Variants in NCBP3 observed in about 807,000 individuals in gnomAD.
NCBP3 encodes the protein nuclear cap binding subunit 3, also known as nuclear cap-binding protein subunit 3.
In NCBP3, 20 loss-of-function variants were observed where a neutral mutation model predicts 75.7. That is an observed-to-expected ratio of 0.26 (90% CI 0.19 to 0.38). NCBP3 has a LOEUF of 0.38. NCBP3 is among the 10% of genes least tolerant of loss of function. The pLI, the probability that NCBP3 is intolerant of heterozygous loss-of-function variation, is 1.00. For synonymous variants in NCBP3, 293 were observed against 290.5 expected (o/e 1.01, Z -0.09); for missense variants, 678 against 796.9 (o/e 0.85, Z 1.80).
chr17:3,834,656 T>C (rs920385609), intron 3 of NCBP3, among the ~76,000 whole-genome samples: 9 of 152,152 alleles, frequency 5.9e-5, no homozygotes, highest in African/African-American at 2.2e-4. Context: ...ATGCCTGTAA[T>C]CCCAGTACTT....
chr17:3,840,597 G>A (rs1190253816), intron 2 of NCBP3, among the ~76,000 whole-genome samples: 2 of 152,144 alleles, frequency 1.3e-5, no homozygotes, highest in African/African-American at 4.8e-5. Context: ...AGAAATGGAG[G>A]CACAAAAAAG....
In NCBP3 at chr17:3,839,302, G is replaced by A. The variant is rs1385543151; in HGVS notation, c.355+798C>T. Among the ~76,000 whole-genome samples, 8 of 152,260 alleles carry A rather than the reference G, an allele frequency of 5.3e-5. No individual in the cohort carries two copies. In the South Asian group the frequency reaches 8.3e-4, roughly 16 times the overall value. ...GTTTAGCTTTCTCTGACAACAGGATGTTACTGAGTGGTTTACATATATCAG... is the reference window on the plus strand; with the variant it reads ...GTTTAGCTTTCTCTGACAACAGGATATTACTGAGTGGTTTACATATATCAG... On this transcript the variant is annotated intron_variant, in intron 3 of 12. Transcript: ENST00000389005.
chr17:3,825,965 C>T, intron 5 of NCBP3, 122 bp from the exon 6 acceptor site: 1 of 1,417,768 alleles, frequency 7.1e-7, no homozygotes, highest in Non-Finnish European at 9.6e-7. Flanking sequence ...CTGATGATCT[C>T]AAGCATCATA....
rs2053759425 is a variant in NCBP3, at chr17:3,825,060, G to A, written c.688-10C>T. 16 of 1,412,564 alleles carry A rather than the reference G, an allele frequency of 1.1e-5. No homozygotes were observed. The highest frequency in any genetic ancestry group is 1.5e-5 in the Non-Finnish European group (16 of 1,039,778). The allele number at this position is 1,412,564 out of a possible 1,614,324, so 87.5% of individuals were successfully genotyped here. On this transcript the variant is annotated splice_polypyrimidine_tract_variant and intron_variant, in intron 6 of 12. Transcript: ENST00000389005. Reference sequence around the variant, plus strand: ...GAGACAACGTATCCAACTTAAGAAAGAAGAGTATTTTTAATATAAAAATTA... The same window carrying A: ...GAGACAACGTATCCAACTTAAGAAAAAAGAGTATTTTTAATATAAAAATTA...
intron 11 of NCBP3, 114 bp downstream of exon 11, chr17:3,816,002 C>A (rs2053523645): frequency 2.0e-6 from 2 of 978,090 alleles, no homozygotes; most frequent in South Asian, 3.8e-5. Context: ...ACATGATGAA[C>A]CAGGACAGCT....
intron 12 of NCBP3, among the ~76,000 whole-genome samples, chr17:3,814,049 G>T (rs1191416619): frequency 1.3e-5 from 2 of 152,162 alleles, no homozygotes; most frequent in African/African-American, 4.8e-5. Context: ...TTGTATGTGG[G>T]CAAAGACCAG....
chr17:3,837,507 C>T (rs904787328), intron 3 of NCBP3, among the ~76,000 whole-genome samples: 1 of 146,766 alleles, frequency 6.8e-6, no homozygotes, highest in Non-Finnish European at 1.5e-5. Context: ...AAATGCTGGG[C>T]AGTGGCCAAG....
Position 3,818,112 on chromosome 17 carries a change from T to TA in NCBP3, c.1310+150dup. On this transcript the variant is annotated intron_variant, in intron 10 of 12. Coordinates refer to ENST00000389005, the MANE Select transcript of NCBP3 (RefSeq NM_001114118.3). This position sits in a 1 kb window ranked among gnomAD's most constrained non-coding sequence, Gnocchi z 4.7. ...TTTTTATAACAAGAATCACTGCTTG[T>TA]ATAGAGGAAATACTGGATGCGTTTA... 1.5e-6 allele frequency: 1 copy of TA among 656,612 alleles called. No individual in the cohort carries two copies. Among genetic ancestry groups the TA allele is most frequent in the Non-Finnish European group, 2.4e-6 (1 of 410,226 alleles). 40.7% of individuals were successfully genotyped at this position (656,612 alleles called of 1,614,324 possible).
intron 3 of NCBP3, among the ~76,000 whole-genome samples, chr17:3,831,571 CA>C (rs201489434): frequency 1.1e-5 from 1 of 90,938 alleles, no homozygotes; most frequent in Non-Finnish European, 2.9e-5. Context: ...GACTCTGTCT[CA>C]AAAAAAAAGG....
At chr17:3,827,264 T>G (rs1401784506) in intron 4 of NCBP3, among the ~76,000 whole-genome samples, 1 of 152,200 alleles carries the variant, frequency 6.6e-6, no homozygotes, top group African/African-American at 2.4e-5. Flanking sequence ...AGAACACAGG[T>G]AGTTAAACAC....
At chr17:3,814,103 A>G (rs772791246) in intron 12 of NCBP3, among the ~76,000 whole-genome samples, 1 of 152,258 alleles carries the variant, frequency 6.6e-6, no homozygotes, top group Non-Finnish European at 1.5e-5. Flanking sequence ...AAACAGAAAG[A>G]GCCAGGAGTG....
At chr17:3,843,822 G>T (rs1006556415) in intron 1 of NCBP3, among the ~76,000 whole-genome samples, 1 of 152,192 alleles carries the variant, frequency 6.6e-6, no homozygotes, top group Non-Finnish European at 1.5e-5. Context: ...TGGGATACAG[G>T]CATGAGCCAC....
intron 3 of NCBP3, among the ~76,000 whole-genome samples, chr17:3,835,367 C>G (rs576034546): frequency 1.3e-5 from 2 of 152,206 alleles, no homozygotes; most frequent in Non-Finnish European, 2.9e-5. Flanking sequence ...TCCTGCCGTT[C>G]TCTCTGTGAA....
intron 9 of NCBP3, among the ~76,000 whole-genome samples, chr17:3,819,464 G>A (rs2053619155): frequency 6.6e-6 from 1 of 152,010 alleles, no homozygotes; most frequent in South Asian, 2.1e-4. Flanking sequence ...GGAGGCTGAG[G>A]TAGGAGAATG....
rs767928576 is a variant in NCBP3, at chr17:3,821,321, G to A, written c.928C>T (p.Arg310Trp). 3 of 1,613,920 alleles carry A rather than the reference G, an allele frequency of 1.9e-6. No homozygotes were observed. The highest frequency in any genetic ancestry group is 2.2e-5 in the East Asian group (1 of 44,874). The change falls in exon 9 of 13, where the codon CGG becomes TGG. Residue 310 changes from arginine to tryptophan, a missense_variant. By Grantham distance (101) the Arg-to-Trp change is moderately radical (BLOSUM62 -3). Around this residue, in one of 7 missense-constraint regions of NCBP3, gnomAD observed 38 missense variants for 78.9 expected, o/e 0.48. Coordinates refer to ENST00000389005, the MANE Select transcript of NCBP3 (RefSeq NM_001114118.3). ...AGGGCTCTCTTCTTGATCACGTCCC[G>A]CTGAATACGACGGGAATGATATCTT... is the stretch of plus-strand genomic sequence containing the variant. The part of the protein sequence containing the change: ...KRRYHSRRIQ[R>W]DVIKKRALIG...
chr17:3,806,516 T>C lies in NCBP3; in HGVS notation c.*6528A>G, dbSNP rs1368065546. ...TGGTCATCCAGAGAGGGCCCCGGAA[T>C]TGCTCAAATGAACAGTAAGAATCCT... is the stretch of plus-strand genomic sequence containing the variant. On this transcript the variant is annotated 3_prime_UTR_variant, in exon 13 of 13. Coordinates refer to ENST00000389005, the MANE Select transcript of NCBP3 (RefSeq NM_001114118.3). 6.6e-6 allele frequency: 1 copy of C among 152,192 alleles called. No homozygotes were observed. Among genetic ancestry groups the C allele is most frequent in the Non-Finnish European group, 1.5e-5 (1 of 68,038 alleles). 9.4% of individuals were successfully genotyped at this position (152,192 alleles called of 1,614,324 possible).
Position 3,806,252 on chromosome 17 carries a change from T to C in NCBP3, c.*6792A>G, listed in dbSNP as rs2053335396. On this transcript the variant is annotated 3_prime_UTR_variant, in exon 13 of 13. Transcript: ENST00000389005. ...CACCACCACGCCCAGCTAATTTTTG[T>C]ATTTCTAGTAGAGACGGGGTTCCAA... 2 of 152,390 alleles carry C rather than the reference T, an allele frequency of 1.3e-5. No homozygotes were observed. Among genetic ancestry groups the C allele is most frequent in the East Asian group, 3.9e-4 (2 of 5,182 alleles). 9.4% of individuals were successfully genotyped at this position (152,390 alleles called of 1,614,324 possible).
At chr17:3,845,504 C>CGGG (rs113119471) in intron 1 of NCBP3, among the ~76,000 whole-genome samples, 5 of 151,548 alleles carry the variant, frequency 3.3e-5, no homozygotes, top group African/African-American at 1.2e-4. Context: ...ACTGGAGCTG[C>CGGG]GGGGGGGGCA....
intron 2 of NCBP3, among the ~76,000 whole-genome samples, chr17:3,842,130 T>A (rs1433753381): frequency 6.6e-6 from 1 of 151,954 alleles, no homozygotes; most frequent in African/African-American, 2.4e-5. Flanking sequence ...AATAGTCTTA[T>A]TAAGGGCCTA....
Sources: gnomAD v4.1 joint callset for allele counts (sites outside exome capture counted in the v4.1 genomes callset) on GRCh38, gnomAD v4.1.1 for gene constraint, gnomAD v4.1.1 regional missense constraint, Gnocchi (gnomAD v3.1) non-coding constraint, MANE v1.5 for transcripts, NCBI Gene and HGNC (gene_info 2026-07-23, HGNC 2026-07-21) for gene names.